Variants in SAMD5 observed in about 807,000 individuals in gnomAD.
The protein encoded by SAMD5 is sterile alpha motif domain containing 5, also known as sterile alpha motif domain-containing protein 5.
In SAMD5, 13 loss-of-function variants were observed where a neutral mutation model predicts 11.3. The ratio of observed to expected loss-of-function variants is 1.15; its 90% confidence interval spans 0.75 to 1.83. SAMD5 has a LOEUF of 1.83. Ranked by LOEUF, SAMD5 falls within the 40% of genes most tolerant of loss-of-function variation. SAMD5 has a pLI of 0.00. For missense variants in SAMD5, 255 were observed against 239.1 expected, an observed-to-expected ratio of 1.07 and a Z score of -0.44; for synonymous variants, 129 against 111.3, an observed-to-expected ratio of 1.16 and a Z score of -1.00.
intron 1 of SAMD5, among the ~76,000 whole-genome samples, chr6:147,646,073 T>G (rs1790396381): frequency 6.8e-6 from 1 of 148,006 alleles, no homozygotes; most frequent in African/African-American, 2.5e-5. Flanking sequence ...TATCTATCTA[T>G]CTAGTCTTAT....
chr6:147,594,725 C>T (rs1273717669), intron 1 of SAMD5, among the ~76,000 whole-genome samples: 1 of 152,164 alleles, frequency 6.6e-6, no homozygotes, highest in African/African-American at 2.4e-5. Flanking sequence ...CACTAACAGT[C>T]AATCAGAAAT....
intron 1 of SAMD5, among the ~76,000 whole-genome samples, chr6:147,695,933 C>T (rs1791168859): frequency 6.6e-6 from 1 of 152,176 alleles, no homozygotes; most frequent in Non-Finnish European, 1.5e-5. Flanking sequence ...CTTTATCTTT[C>T]AGATCTTCTG....
intron 1 of SAMD5, among the ~76,000 whole-genome samples, chr6:147,517,929 C>T (rs1788196982): frequency 6.6e-6 from 1 of 150,870 alleles, no homozygotes; most frequent in South Asian, 2.1e-4. Flanking sequence ...GATACTTATA[C>T]TCATTTTCCC....
chr6:147,670,616 G>A (rs1271377169), intron 1 of SAMD5, among the ~76,000 whole-genome samples: 2 of 152,152 alleles, frequency 1.3e-5, no homozygotes, highest in Non-Finnish European at 2.9e-5. Context: ...TGTTGGTGAT[G>A]GCTTCTTTTC....
chr6:147,907,610 G>A, the SAMD5 span, among the ~76,000 whole-genome samples: 1 of 152,306 alleles, frequency 6.6e-6, no homozygotes, highest in Non-Finnish European at 1.5e-5. Context: ...ACAAACAGCA[G>A]GTGACCACTG....
the SAMD5 span, among the ~76,000 whole-genome samples, chr6:147,820,262 GGTGA>G: frequency 1.3e-5 from 2 of 152,150 alleles, no homozygotes; most frequent in Non-Finnish European, 1.5e-5. Flanking sequence ...AGGTTTTAGA[GGTGA>G]GTATTTGACA....
chr6:147,888,807 C>T, the SAMD5 span, among the ~76,000 whole-genome samples: 3 of 151,626 alleles, frequency 2.0e-5, no homozygotes, highest in Non-Finnish European at 4.4e-5. Context: ...ATCACTTGAA[C>T]CCAGGAGGCA....
chr6:147,806,166 G>A, the SAMD5 span, among the ~76,000 whole-genome samples: 2,185 of 152,288 alleles, frequency 0.014, 30 homozygotes, highest in Non-Finnish European at 0.021. Flanking sequence ...TATCTTCCAG[G>A]GCTACTCAGT....
the SAMD5 span, among the ~76,000 whole-genome samples, chr6:147,873,960 T>C: frequency 6.6e-6 from 1 of 152,144 alleles, no homozygotes; most frequent in Non-Finnish European, 1.5e-5. Context: ...ATAGAATGAG[T>C]CAGTGGATTG....
the SAMD5 span, among the ~76,000 whole-genome samples, chr6:147,766,089 C>T: frequency 7.1e-5 from 10 of 141,270 alleles, no homozygotes; most frequent in Admixed American, 1.4e-4. Context: ...ATTAAAAATA[C>T]GGTAAGCAAT....
chr6:147,863,389 G>A, the SAMD5 span, among the ~76,000 whole-genome samples: 3 of 152,120 alleles, frequency 2.0e-5, no homozygotes, highest in Non-Finnish European at 4.4e-5. Context: ...GCCCTGATTT[G>A]TAAGATAAGA....
the SAMD5 span, among the ~76,000 whole-genome samples, chr6:147,863,478 A>T: frequency 1.3e-5 from 2 of 152,226 alleles, no homozygotes; most frequent in African/African-American, 4.8e-5. Context: ...AAGTTAAAAG[A>T]TTTTGTTACC....
chr6:147,941,523 G>A, the SAMD5 span, among the ~76,000 whole-genome samples: 4 of 151,970 alleles, frequency 2.6e-5, no homozygotes, highest in Admixed American at 6.6e-5. Flanking sequence ...CCGAAGCACT[G>A]TAATAACTCA....
At chr6:147,580,618 A>C (rs1789283122) in intron 1 of SAMD5, among the ~76,000 whole-genome samples, 1 of 152,216 alleles carries the variant, frequency 6.6e-6, no homozygotes, top group Non-Finnish European at 1.5e-5. Flanking sequence ...GTGACTGAGG[A>C]CTAGACTTTA....
chr6:147,885,232 G>T, the SAMD5 span, among the ~76,000 whole-genome samples: 1 of 152,072 alleles, frequency 6.6e-6, no homozygotes, highest in Non-Finnish European at 1.5e-5. Flanking sequence ...GCCAAGGAGG[G>T]GTAGTCATTT....
At chr6:147,696,144 C>T (rs765569262) in intron 1 of SAMD5, among the ~76,000 whole-genome samples, 2 of 152,042 alleles carry the variant, frequency 1.3e-5, no homozygotes, top group Admixed American at 6.6e-5. Context: ...TTCTTCTGTG[C>T]TCTTTGTCTC....
At chr6:147,773,592 G>A in the SAMD5 span, among the ~76,000 whole-genome samples, 7 of 152,288 alleles carry the variant, frequency 4.6e-5, no homozygotes, top group Admixed American at 6.5e-5. Flanking sequence ...AGCTGTCTTC[G>A]TTTTGTGTCC....
chr6:147,954,574 A>T, the SAMD5 span, among the ~76,000 whole-genome samples: 1 of 152,024 alleles, frequency 6.6e-6, no homozygotes, highest in Non-Finnish European at 1.5e-5. Context: ...GACTCAGCCA[A>T]AGTAACTTCC....
At chr6:147,844,130 T>A in the SAMD5 span, among the ~76,000 whole-genome samples, 1 of 152,048 alleles carries the variant, frequency 6.6e-6, no homozygotes, top group East Asian at 1.9e-4. Flanking sequence ...CATAAGGAAC[T>A]CAAACTACTC....
Sources: allele counts gnomAD v4.1 joint callset (sites outside exome capture counted in the v4.1 genomes callset), GRCh38; gene constraint gnomAD v4.1.1; transcripts MANE v1.5; gene names NCBI Gene and HGNC (gene_info 2026-07-23, HGNC 2026-07-21).